The following VRK2 variants were observed in gnomAD, a reference collection of about 807,000 sequenced individuals.
VRK2 encodes the protein VRK serine/threonine kinase 2.
A neutral mutation model predicts 57.6 loss-of-function variants in VRK2; 60 were observed. That is an observed-to-expected ratio of 1.04 (90% CI 0.85 to 1.29). The LOEUF is 1.29. Among genes scored for constraint, VRK2 ranks in the 50% most tolerant of loss-of-function variants. The pLI is 0.00. For missense variants in VRK2, 705 were observed against 588.1 expected (o/e 1.20, Z -2.06); for synonymous variants, 231 against 199.2 (o/e 1.16, Z -1.35).
At position 58,076,733 on chromosome 2, in the gene VRK2, A is replaced by G. The variant is rs567534503; in HGVS notation, c.137-7356A>G. 9.2e-5 allele frequency among the ~76,000 whole-genome samples: 14 copies of G among 151,852 alleles called. No homozygotes were observed. The South Asian group carries it at 2.3e-3, about 25-fold the overall frequency. On this transcript the variant is annotated intron_variant, in intron 2 of 12. Transcript: ENST00000340157. The stretch of plus-strand genomic sequence containing the variant: ...TTTTTTCAAAATCTCATGCACATCT[A>G]TGGTTTTGCTCTCTTTCCAGTACTC...
chr2:58,090,894 C>G (rs1339453633), intron 7 of VRK2, among the ~76,000 whole-genome samples: 1 of 151,984 alleles, frequency 6.6e-6, no homozygotes, highest in Non-Finnish European at 1.5e-5. Flanking sequence ...AACTTTTCAG[C>G]CATGAAAAAA....
At chr2:58,084,237 A>G (rs1365528771) in intron 3 of VRK2, 99 bp downstream of exon 3, 8 of 1,236,372 alleles carry the variant, frequency 6.5e-6, no homozygotes, top group African/African-American at 1.5e-5. Flanking sequence ...CTATTGCCTT[A>G]TCAGTAAACC....
At chr2:57,911,834 G>T (rs988589901) in intron 1 of VRK2, among the ~76,000 whole-genome samples, 1 of 152,172 alleles carries the variant, frequency 6.6e-6, no homozygotes, top group Non-Finnish European at 1.5e-5. Flanking sequence ...TGTTACTGTT[G>T]TACTTTTTAG....
At chr2:58,005,848 C>T (rs554233216) in intron 1 of VRK2, among the ~76,000 whole-genome samples, 3 of 152,100 alleles carry the variant, frequency 2.0e-5, no homozygotes, top group Non-Finnish European at 2.9e-5. Context: ...TAGAAGAGAC[C>T]TCCCCAGCCC....
At chr2:58,116,500 T>C (rs1192411864) in intron 7 of VRK2, among the ~76,000 whole-genome samples, 1 of 152,044 alleles carries the variant, frequency 6.6e-6, no homozygotes, top group Non-Finnish European at 1.5e-5. Flanking sequence ...GAAGCCTGGC[T>C]GTCAATACCC....
At chr2:58,079,079 T>TTTC (rs2104081306) in intron 2 of VRK2, among the ~76,000 whole-genome samples, 1 of 152,294 alleles carries the variant, frequency 6.6e-6, no homozygotes, top group South Asian at 2.1e-4. Flanking sequence ...GGTTGACACT[T>TTTC]TTGAAGAGTA....
intron 1 of VRK2, among the ~76,000 whole-genome samples, chr2:57,997,719 A>G (rs139148673): frequency 0.016 from 2,418 of 152,208 alleles, 63 homozygotes; most frequent in African/African-American, 0.055. Flanking sequence ...CCTGGGCAAC[A>G]TGGTGAAACA....
intron 12 of VRK2, among the ~76,000 whole-genome samples, chr2:58,148,118 T>C (rs1174136616): frequency 1.3e-5 from 2 of 151,832 alleles, no homozygotes; most frequent in East Asian, 3.9e-4. Flanking sequence ...GACAAATAGT[T>C]CTTGAAAGTA....
At chr2:57,967,266 C>G (rs1032926328) in intron 1 of VRK2, among the ~76,000 whole-genome samples, 1 of 151,992 alleles carries the variant, frequency 6.6e-6, no homozygotes, top group Admixed American at 6.6e-5. Context: ...GGAGAAATAC[C>G]TAATGTAGAT....
At chr2:57,984,810 G>T (rs1012432797) in intron 1 of VRK2, among the ~76,000 whole-genome samples, 3 of 151,710 alleles carry the variant, frequency 2.0e-5, no homozygotes, top group African/African-American at 2.4e-5. Flanking sequence ...CCCCCCAAAA[G>T]AAAAACAACT....
At chr2:58,144,342 G>T (rs955609768) in intron 11 of VRK2, among the ~76,000 whole-genome samples, 2 of 151,958 alleles carry the variant, frequency 1.3e-5, no homozygotes, top group Non-Finnish European at 2.9e-5. Flanking sequence ...ACTGTAGTTA[G>T]TAATACTGTG....
intron 1 of VRK2, among the ~76,000 whole-genome samples, chr2:57,961,838 A>T (rs918559648): frequency 6.6e-6 from 1 of 152,106 alleles, no homozygotes; most frequent in Non-Finnish European, 1.5e-5. Flanking sequence ...GCAGTTTGGG[A>T]GGCTGAGACA....
chr2:58,028,372 T>G (rs1673998722), intron 2 of VRK2: 1 of 152,116 alleles, frequency 6.6e-6, no homozygotes, highest in South Asian at 2.1e-4. Context: ...TGTTGGACAT[T>G]TGGGTTGGTT....
intron 2 of VRK2, among the ~76,000 whole-genome samples, chr2:58,081,171 CA>C (rs1390294277): frequency 6.6e-6 from 1 of 151,938 alleles, no homozygotes; most frequent in African/African-American, 2.4e-5. Context: ...TTTTTCTTCT[CA>C]GTGCCAAATC....
chr2:58,128,144 T>G lies in VRK2; in HGVS notation c.677-3664T>G, dbSNP rs116277988. Among the ~76,000 whole-genome samples the G allele has an allele frequency of 5.8e-3, 885 of 152,216 alleles. 11 individuals carry two copies. Among genetic ancestry groups the G allele is most frequent in the African/African-American group, 0.019 (790 of 41,532 alleles). On this transcript the variant is annotated intron_variant, in intron 8 of 12. Transcript: ENST00000340157. ...ATGAAAGGATAGTAACATGAAAAAT[T>G]TGGTCAGTGCTGCAGCTTAGATATC...
chr2:58,015,811 G>A (rs1181732983), intron 1 of VRK2, among the ~76,000 whole-genome samples: 2 of 152,118 alleles, frequency 1.3e-5, no homozygotes, highest in African/African-American at 4.8e-5. Context: ...GCCCTCAAAT[G>A]TAAATGTTAG....
intron 3 of VRK2, among the ~76,000 whole-genome samples, chr2:58,037,482 T>C (rs947121601): frequency 1.3e-5 from 2 of 152,094 alleles, no homozygotes; most frequent in Non-Finnish European, 2.9e-5. Flanking sequence ...GTTTTGACTC[T>C]TGTTCCATAA....
intron 1 of VRK2, among the ~76,000 whole-genome samples, chr2:58,024,022 A>G (rs1250548484): frequency 6.8e-6 from 1 of 146,294 alleles, no homozygotes; most frequent in Non-Finnish European, 1.5e-5. Flanking sequence ...TCTGTAGCCC[A>G]GGCTGGAGTG....
chr2:58,086,570 G>A, intron 5 of VRK2, 144 bp downstream of exon 5: 1 of 616,880 alleles, frequency 1.6e-6, no homozygotes, highest in Admixed American at 3.5e-5. Flanking sequence ...TGTGAGTGAG[G>A]AGACTGCAAG....
Sources: gnomAD v4.1 joint callset for allele counts (sites outside exome capture counted in the v4.1 genomes callset) on GRCh38, gnomAD v4.1.1 for gene constraint, MANE v1.5 for transcripts, NCBI Gene and HGNC (gene_info 2026-07-23, HGNC 2026-07-21) for gene names.